NPHS1: variants seen among roughly 807,000 people sequenced by gnomAD.
The protein encoded by NPHS1 is nephrin.
Under a neutral mutation model 139.7 loss-of-function variants are expected in NPHS1, and 107 were observed. That is an observed-to-expected ratio of 0.77 (90% CI 0.66 to 0.90). The LOEUF (loss-of-function observed/expected upper bound fraction) is 0.90, where lower values mean the gene tolerates loss of function less well. Ranked by LOEUF, NPHS1 falls within the 40% of genes least tolerant of loss-of-function variation. NPHS1 has a pLI of 0.00. For synonymous variants in NPHS1, 707 were observed against 706.6 expected (o/e 1.00, Z -0.01); for missense variants, 1,580 against 1,654.2 (o/e 0.96, Z 0.78).
At chr19:35,848,845 C>G in intron 8 of NPHS1, 51 bp from the exon 9 acceptor site, 1 of 1,613,544 alleles carries the variant, frequency 6.2e-7, no homozygotes, top group Non-Finnish European at 8.5e-7. Flanking sequence ...TTCTCACAGA[C>G]CAGCCCAGAC....
intron 22 of NPHS1, among the ~76,000 whole-genome samples, chr19:35,838,731 C>G (rs781587509): frequency 6.6e-6 from 1 of 151,930 alleles, no homozygotes; most frequent in Non-Finnish European, 1.5e-5. Context: ...CCTGTAATCC[C>G]AGTTACTCAG....
At chr19:35,831,890 T>C in intron 23 of NPHS1, 128 bp from the exon 24 acceptor site, 1 of 976,676 alleles carries the variant, frequency 1.0e-6, no homozygotes, top group Non-Finnish European at 1.5e-6. Context: ...TGGGCAGAGG[T>C]CTCTGTGCCC....
chr19:35,829,578 G>C (rs1599834699), intron 28 of NPHS1, among the ~76,000 whole-genome samples: 1 of 150,738 alleles, frequency 6.6e-6, no homozygotes, highest in East Asian at 2.0e-4. Flanking sequence ...TTGCTCTGTT[G>C]CCCAGGCTGG....
chr19:35,831,748 G>A lies in NPHS1; in HGVS notation c.3181C>T (p.Pro1061Ser), dbSNP rs374806656. ...AGAGCGAACAGCACAGGCAGCAGGG[G>A]CAGCCCCGAGGGTCCTAGGGGTGGA... ...TEPPSGPSGL[P>S]LLPVLFALGG... Residue 1061 changes from proline to serine, a missense_variant, in exon 24 of 29, where the codon CCC (proline) becomes TCC (serine). By Grantham distance (74) the Pro-to-Ser change is moderately conservative. Coordinates refer to ENST00000378910, the MANE Select transcript of NPHS1 (RefSeq NM_004646.4). 27 of 1,574,404 alleles carry A rather than the reference G, an allele frequency of 1.7e-5. No homozygotes were observed. The highest frequency in any genetic ancestry group is 2.3e-5 in the Non-Finnish European group (27 of 1,160,692).
At position 35,851,844 on chromosome 19, in the gene NPHS1, TC is replaced by T. The variant is rs1397056485; in HGVS notation, c.-8del. 3.9e-6 allele frequency: 6 copies of T among 1,549,992 alleles called. No homozygotes were observed. The highest frequency in any genetic ancestry group is 5.2e-6 in the Non-Finnish European group (6 of 1,146,528). ...GCGTCGTCCCCAGGGCCATCACAGG[TC>T]CCCCTACTGTGACCCCCACAGCGCC... On this transcript the variant is annotated 5_prime_UTR_variant, in exon 1 of 29. Coordinates refer to ENST00000378910, the MANE Select transcript of NPHS1 (RefSeq NM_004646.4).
At chr19:35,847,513 C>A (rs1973161782) in intron 11 of NPHS1, among the ~76,000 whole-genome samples, 3 of 151,752 alleles carry the variant, frequency 2.0e-5, no homozygotes, top group Non-Finnish European at 4.4e-5. Context: ...CGCCACCATG[C>A]CCAGCTAATT....
Position 35,831,590 on chromosome 19 carries a change from G to A in NPHS1, c.3286+53C>T, listed in dbSNP as rs541425419. 4 of 1,611,796 alleles carry A rather than the reference G, an allele frequency of 2.5e-6. No homozygotes were observed. In the Admixed American group the frequency reaches 5.0e-5, roughly 20 times the overall value. On this transcript the variant is annotated intron_variant, in intron 24 of 28. Coordinates refer to ENST00000378910, the MANE Select transcript of NPHS1 (RefSeq NM_004646.4). ...GACCTTCAGTATGCAGCAACCACAG[G>A]GTTCCCTATCACCCTCGGGTCTCCA...
chr19:35,838,848 A>C (rs1421264270), intron 22 of NPHS1, among the ~76,000 whole-genome samples: 1 of 152,112 alleles, frequency 6.6e-6, no homozygotes, highest in Non-Finnish European at 1.5e-5. Context: ...ACTCCATCTC[A>C]AAAAAATAAA....
In NPHS1 at chr19:35,850,413, C is replaced by T. The variant is rs199646884; in HGVS notation, c.559G>A (p.Val187Met). The T allele has an allele frequency of 6.8e-5, 110 of 1,613,986 alleles. No individual in the cohort carries two copies. The highest frequency in any genetic ancestry group is 3.1e-5 in the Non-Finnish European group (37 of 1,180,012). Residue 187 changes from valine (V) to methionine (M), a missense_variant, in exon 5 of 29, where the codon GTG (valine) becomes ATG (methionine). By Grantham distance (21) the Val-to-Met change is conservative. Transcript: ENST00000378910. ...AGTTTCTGCTGGGAGCCCTCGTTCA[C>T]GTTTGCAGAGATGTCAGATATTGTC... The part of the protein sequence containing the change: ...GQTISDISAN[V>M]NEGSQQKLFT...
At chr19:35,850,324 A>G (rs758003424) in intron 5 of NPHS1, 40 bp downstream of exon 5, 1 of 1,557,930 alleles carries the variant, frequency 6.4e-7, no homozygotes, top group African/African-American at 1.4e-5. Context: ...CATGGGGAAA[A>G]TTAGGGGTCA....
Position 35,848,276 on chromosome 19 carries a change from T to A in NPHS1, c.1292A>T (p.Lys431Met). 6.2e-7 allele frequency: 1 copy of A among 1,614,144 alleles called. No homozygotes were observed. The highest frequency in any genetic ancestry group is 8.5e-7 in the Non-Finnish European group (1 of 1,180,022). ...SEAFTKETFK[K>M]SLILNVKYPA... Reference sequence around the variant, plus strand: ...ACATTTTACGTTCAGGATGAGCGACTTCTTGAAGGTCTCCTTGGTGAAGGC... The same window carrying A: ...ACATTTTACGTTCAGGATGAGCGACATCTTGAAGGTCTCCTTGGTGAAGGC... The change falls in exon 10 of 29, where the codon AAG becomes ATG. Residue 431 changes from lysine to methionine, a missense_variant. Coordinates refer to ENST00000378910, the MANE Select transcript of NPHS1 (RefSeq NM_004646.4).
rs540113194 is a variant in NPHS1, at chr19:35,845,314, A to T, written c.1930+54T>A. Reference sequence around the variant, plus strand: ...AAGGAAAAAAAGGTAAGACCCAAGGAGTAGTTTAGGGTCAAGAAGGCATCG... The same window carrying T: ...AAGGAAAAAAAGGTAAGACCCAAGGTGTAGTTTAGGGTCAAGAAGGCATCG... On this transcript the variant is annotated intron_variant, in intron 14 of 28. Coordinates refer to ENST00000378910, the MANE Select transcript of NPHS1 (RefSeq NM_004646.4). This position sits in a 1 kb window ranked among gnomAD's most constrained non-coding sequence, Gnocchi z 5.5. 56 of 1,554,692 alleles carry T rather than the reference A, an allele frequency of 3.6e-5. No homozygotes were observed. The East Asian group carries it at 1.0e-3, about 29-fold the overall frequency.
intron 28 of NPHS1, 80 bp from the exon 29 acceptor site, chr19:35,826,725 C>G: frequency 6.7e-7 from 1 of 1,501,552 alleles, no homozygotes; most frequent in Non-Finnish European, 9.3e-7. Flanking sequence ...ATACATGCCC[C>G]TGCTTAACTT....
chr19:35,850,202 C>T (rs374091290), intron 5 of NPHS1, among the ~76,000 whole-genome samples, 162 bp downstream of exon 5: 2 of 152,184 alleles, frequency 1.3e-5, no homozygotes. Context: ...AGGCATGAGC[C>T]ACCACCTCTG....
intron 9 of NPHS1, 72 bp from the exon 10 acceptor site, chr19:35,848,469 C>T (rs1361543923): frequency 6.2e-7 from 1 of 1,607,210 alleles, no homozygotes; most frequent in Non-Finnish European, 8.5e-7. Flanking sequence ...CTGAGTCCAT[C>T]CCAGTCCCCA....
In NPHS1 at chr19:35,851,347, G is replaced by C. The variant is rs114540811; in HGVS notation, c.312C>G (p.Ser104Arg). ...CCTGGCACTCATACTCCGCGTCATC[G>C]CTGAGGTCACAGGCCTCGATGTGCA... ...FHLHIEACDL[S>R]DDAEYECQVG... Residue 104 changes from serine to arginine, a missense_variant, in exon 3 of 29, where the codon AGC becomes AGG. Coordinates refer to ENST00000378910, the MANE Select transcript of NPHS1 (RefSeq NM_004646.4). The C allele has an allele frequency of 4.3e-6, 7 of 1,613,460 alleles. No individual in the cohort carries two copies. The highest frequency in any genetic ancestry group is 5.1e-6 in the Non-Finnish European group (6 of 1,179,804).
chr19:35,851,869 C>G lies in NPHS1; in HGVS notation c.-32G>C, dbSNP rs748740044. ...TCCCCCTACTGTGACCCCCACAGCG[C>G]CCGCTGCCAGCCACCTGCGTCTGTC... On this transcript the variant is annotated 5_prime_UTR_variant, in exon 1 of 29. Transcript: ENST00000378910. The G allele has an allele frequency of 4.1e-5, 64 of 1,546,038 alleles. No individual in the cohort carries two copies. In the South Asian group the frequency reaches 7.0e-4, roughly 17 times the overall value.
rs2146819400 is a variant in NPHS1 at position 35,842,177 on chromosome 19, G to A, written c.2610C>T (p.Asn870=). Residue 870 remains asparagine (N), a synonymous_variant, in exon 19 of 29, where the codon AAC becomes AAT. Transcript: ENST00000378910. ...TLHCRARGVP[N]IVFTWTKNGV... is the part of the protein sequence containing the mutation. ...CGTTTTTTGTCCAAGTGAAAACGAT[G>A]TTGGGGACACCTCGGGCACGGCAGT... The A allele has an allele frequency of 2.5e-6, 4 of 1,611,290 alleles. No homozygotes were observed. The highest frequency in any genetic ancestry group is 3.4e-6 in the Non-Finnish European group (4 of 1,178,988).
At position 35,845,727 on chromosome 19, in the gene NPHS1, A is replaced by G; in HGVS notation, c.1699T>C (p.Cys567Arg). 1 of 1,614,132 alleles carries G rather than the reference A, an allele frequency of 6.2e-7. No individual in the cohort carries two copies. The highest frequency in any genetic ancestry group is 8.5e-7 in the Non-Finnish European group (1 of 1,179,978). The change falls in exon 13 of 29, where the codon TGC (cysteine) becomes CGC (arginine). Residue 567 changes from cysteine (C) to arginine (R), a missense_variant. By Grantham distance (180) the Cys-to-Arg change is radical. Transcript: ENST00000378910. The surrounding 1 kb of genome is among the most constrained non-coding windows in gnomAD (Gnocchi z 5.5). ...LRPGDALNLT[C>R]VSVSSNPPVN... ...GGCGGATTGCTGCTGACGCTGACGC[A>G]TGTCAAGTTTAAGGCGTCTCCCGGG...
Sources: allele counts gnomAD v4.1 joint callset (sites outside exome capture counted in the v4.1 genomes callset), GRCh38; gene constraint gnomAD v4.1.1; non-coding constraint Gnocchi (gnomAD v3.1); transcripts MANE v1.5; gene names NCBI Gene and HGNC (gene_info 2026-07-23, HGNC 2026-07-21).